VPS53: variants seen among roughly 807,000 people sequenced by gnomAD.
VPS53 encodes the protein vacuolar protein sorting-associated protein 53 homolog.
A neutral mutation model predicts 107.0 loss-of-function variants in VPS53; 70 were observed. That is an observed-to-expected ratio of 0.65 (90% CI 0.54 to 0.80). The LOEUF is 0.80. Ranked by LOEUF, VPS53 falls within the 30% of genes least tolerant of loss-of-function variation. The pLI is 0.00. For missense variants in VPS53, 917 were observed against 1,049.4 expected (o/e 0.87, Z 1.74); for synonymous variants, 409 against 393.3 (o/e 1.04, Z -0.47).
chr17:630,972 GGAT>G (rs1969934489), intron 8 of VPS53, among the ~76,000 whole-genome samples: 2 of 152,188 alleles, frequency 1.3e-5, no homozygotes, highest in Non-Finnish European at 2.9e-5. Flanking sequence ...TCCCCAAGCA[GGAT>G]GGCAGCTTGT....
Position 585,229 on chromosome 17 carries a change from T to C in VPS53, c.1313+1041A>G, listed in dbSNP as rs140386123. On this transcript the variant is annotated intron_variant, in intron 13 of 21. Transcript: ENST00000437048. Reference sequence around the variant, plus strand: ...CAATGTGATGTGCCTCTTGACACAATGCACTGGGGATACAATGCCACTTTT... The same window carrying C: ...CAATGTGATGTGCCTCTTGACACAACGCACTGGGGATACAATGCCACTTTT... Among the ~76,000 whole-genome samples the C allele has an allele frequency of 4.0e-3, 611 of 152,312 alleles. 2 individuals are homozygous for C. The highest frequency in any genetic ancestry group is 7.1e-3 in the Non-Finnish European group (482 of 68,026).
chr17:708,998 G>A (rs1973527223), intron 2 of VPS53, among the ~76,000 whole-genome samples: 1 of 152,174 alleles, frequency 6.6e-6, no homozygotes, highest in Non-Finnish European at 1.5e-5. Context: ...TCCTGGAAGA[G>A]ATACCTAGCT....
At chr17:654,476 A>G (rs574476685) in intron 6 of VPS53, among the ~76,000 whole-genome samples, 26 of 151,472 alleles carry the variant, frequency 1.7e-4, no homozygotes, top group African/African-American at 6.3e-4. Context: ...CGGTGGCTCA[A>G]GCCTGTAATC....
At chr17:695,817 G>A (rs1332352683) in intron 4 of VPS53, among the ~76,000 whole-genome samples, 1 of 152,172 alleles carries the variant, frequency 6.6e-6, no homozygotes, top group African/African-American at 2.4e-5. Flanking sequence ...CTCCCAAAGT[G>A]TTGGGATTGC....
chr17:550,506 C>T (rs1258894680), intron 17 of VPS53, among the ~76,000 whole-genome samples: 1 of 152,218 alleles, frequency 6.6e-6, no homozygotes, highest in African/African-American at 2.4e-5. Flanking sequence ...AGGAACATGG[C>T]TGTATTCCAA....
At chr17:697,195 TC>T (rs1340522377) in intron 4 of VPS53, among the ~76,000 whole-genome samples, 3 of 152,170 alleles carry the variant, frequency 2.0e-5, no homozygotes, top group African/African-American at 7.2e-5. Context: ...CCCAGTGTTC[TC>T]ATCTGGCCTC....
At position 653,373 on chromosome 17, in the gene VPS53, T is replaced by G; in HGVS notation, c.526A>C (p.Asn176His). The G allele has an allele frequency of 1.2e-6, 2 of 1,614,244 alleles. No homozygotes were observed. The highest frequency in any genetic ancestry group is 1.7e-6 in the Non-Finnish European group (2 of 1,180,048). ...TRRRQYGEVA[N>H]LLQGVMNVLE... is the part of the protein sequence containing the mutation. The stretch of plus-strand genomic sequence containing the variant: ...ACATTCATCACACCCTGAAGGAGAT[T>G]AGCAACTTCTCCGTATTGTCTTCGC... Residue 176 changes from asparagine to histidine, a missense_variant, in exon 7 of 22, where the codon AAT becomes CAT. Asn to His is a moderately conservative substitution (Grantham distance 68). Transcript: ENST00000437048.
intron 1 of VPS53, among the ~76,000 whole-genome samples, chr17:712,413 T>C (rs938404133): frequency 3.3e-5 from 5 of 151,796 alleles, no homozygotes; most frequent in African/African-American, 1.2e-4. Flanking sequence ...ACTCCTGACA[T>C]CGTGATCCAC....
chr17:556,203 G>T (rs868712740), intron 15 of VPS53, among the ~76,000 whole-genome samples: 2 of 152,160 alleles, frequency 1.3e-5, no homozygotes, highest in Middle Eastern at 3.4e-3. Context: ...GGGTAGGATC[G>T]CTTTCGTTCC....
At chr17:534,917 CAAA>C (rs11376185) in intron 18 of VPS53, among the ~76,000 whole-genome samples, 4 of 121,890 alleles carry the variant, frequency 3.3e-5, no homozygotes, top group African/African-American at 3.2e-5. Flanking sequence ...GACCCTGTAT[CAAA>C]AAAAAAAAAA....
chr17:656,637 C>A (rs576502278), intron 5 of VPS53, among the ~76,000 whole-genome samples: 1 of 152,032 alleles, frequency 6.6e-6, no homozygotes, highest in Admixed American at 6.5e-5. Flanking sequence ...GAAAAATTCC[C>A]CAACTTTACT....
intron 11 of VPS53, 42 bp downstream of exon 11, chr17:623,491 A>G (rs368147130): frequency 1.3e-6 from 2 of 1,585,616 alleles, no homozygotes. Flanking sequence ...CAACCACCCA[A>G]CCCACTGATT....
At chr17:527,266 C>T (rs996683578) in intron 19 of VPS53, among the ~76,000 whole-genome samples, 16 of 150,362 alleles carry the variant, frequency 1.1e-4, no homozygotes, top group Non-Finnish European at 2.2e-4. Context: ...GCTCATAAAC[C>T]TGCTCTGAAC....
rs1171844836 is a variant in VPS53, at chr17:519,810, A to G, written c.2328+16T>C. On this transcript the variant is annotated intron_variant, in intron 21 of 21. Coordinates refer to ENST00000437048, the MANE Select transcript of VPS53 (RefSeq NM_001128159.3). The surrounding 1 kb of genome is among the most constrained non-coding windows in gnomAD (Gnocchi z 5.0). The stretch of plus-strand genomic sequence containing the variant: ...AGGGGGATGAGCAGGTGTGGACCAA[A>G]TGTCCCGGCACAAACCTTCATGTCC... 1 of 1,536,840 alleles carries G rather than the reference A, an allele frequency of 6.5e-7. No individual in the cohort carries two copies. The highest frequency in any genetic ancestry group is 1.2e-5 in the South Asian group (1 of 83,714).
intron 13 of VPS53, among the ~76,000 whole-genome samples, chr17:576,108 T>C (rs1914583479): frequency 1.3e-5 from 2 of 151,552 alleles, no homozygotes; most frequent in Non-Finnish European, 2.9e-5. Context: ...AGAACCTCAA[T>C]GTGTTCCCAG....
intron 12 of VPS53, among the ~76,000 whole-genome samples, chr17:592,374 C>A (rs1321618916): frequency 6.6e-6 from 1 of 152,074 alleles, no homozygotes; most frequent in East Asian, 1.9e-4. Flanking sequence ...TTAATTGGAG[C>A]ATTTAGTCCA....
intron 11 of VPS53, among the ~76,000 whole-genome samples, chr17:603,597 G>A (rs1458404081): frequency 6.6e-6 from 1 of 152,180 alleles, no homozygotes; most frequent in African/African-American, 2.4e-5. Flanking sequence ...AAGCCTTGTG[G>A]TGATGGCATT....
At chr17:702,215 A>T (rs34469205) in intron 2 of VPS53, among the ~76,000 whole-genome samples, 29,558 of 151,790 alleles carry the variant, frequency 0.19, 3,040 homozygotes, top group African/African-American at 0.25. Flanking sequence ...TTAGCCGGGT[A>T]TGGTAGCACA....
intron 7 of VPS53, among the ~76,000 whole-genome samples, chr17:645,965 G>A (rs1460747235): frequency 7.5e-6 from 1 of 134,112 alleles, no homozygotes; most frequent in Non-Finnish European, 1.6e-5. Context: ...GTGACCGTGT[G>A]GCCACTGCCT....
Sources: allele counts gnomAD v4.1 joint callset (sites outside exome capture counted in the v4.1 genomes callset), GRCh38; gene constraint gnomAD v4.1.1; non-coding constraint Gnocchi (gnomAD v3.1); transcripts MANE v1.5; gene names NCBI Gene and HGNC (gene_info 2026-07-23, HGNC 2026-07-21).